Variants in NYAP2 observed in about 807,000 individuals in gnomAD.
NYAP2 encodes neuronal tyrosine-phosphorylated phosphoinositide-3-kinase adaptor 2.
In NYAP2, 23 loss-of-function variants were observed where a neutral mutation model predicts 50.4. The observed-to-expected ratio is 0.46, with a 90% CI of 0.33 to 0.65. The LOEUF (loss-of-function observed/expected upper bound fraction) is 0.65. NYAP2 is among the 30% of genes least tolerant of loss of function. NYAP2 has a pLI of 0.02. For synonymous variants in NYAP2, 394 were observed against 365.2 expected (o/e 1.08, Z -0.90); for missense variants, 885 against 861.0 (o/e 1.03, Z -0.35).
intron 3 of NYAP2, among the ~76,000 whole-genome samples, chr2:225,412,805 A>G (rs1695069605): frequency 6.6e-6 from 1 of 152,126 alleles, no homozygotes; most frequent in South Asian, 2.1e-4. Flanking sequence ...GTAAACCAAG[A>G]TGGAAGCCTG....
chr2:225,587,986 G>A (rs1469203756), intron 5 of NYAP2, among the ~76,000 whole-genome samples: 1 of 151,924 alleles, frequency 6.6e-6, no homozygotes, highest in African/African-American at 2.4e-5. Context: ...GTGCAGTGGT[G>A]CAATCTCAGC....
intron 4 of NYAP2, among the ~76,000 whole-genome samples, chr2:225,551,342 A>G (rs1691671420): frequency 6.6e-6 from 1 of 152,240 alleles, no homozygotes; most frequent in African/African-American, 2.4e-5. Flanking sequence ...TGCTCTTGGA[A>G]GCCATTGCCA....
chr2:225,567,946 G>A (rs1459292839), intron 4 of NYAP2, among the ~76,000 whole-genome samples: 1 of 152,138 alleles, frequency 6.6e-6, no homozygotes, highest in Non-Finnish European at 1.5e-5. Flanking sequence ...CTACTTCAGA[G>A]CAATCCCACA....
chr2:225,556,405 C>A (rs929251403), intron 4 of NYAP2, among the ~76,000 whole-genome samples: 1 of 152,138 alleles, frequency 6.6e-6, no homozygotes, highest in African/African-American at 2.4e-5. Flanking sequence ...TAACAAAATA[C>A]AAATTTCATT....
chr2:225,567,379 G>T lies in NYAP2; in HGVS notation c.524-14562G>T, dbSNP rs139090711. 4.6e-3 allele frequency among the ~76,000 whole-genome samples: 693 copies of T among 152,094 alleles called. 4 individuals carry two copies. The highest frequency in any genetic ancestry group is 0.01 in the Middle Eastern group (3 of 294). ...TATAAGAAAGAGATTTGAAAACTTT[G>T]AATCATTATACACTTATAGTTTATT... On this transcript the variant is annotated intron_variant, in intron 4 of 6. Transcript: ENST00000636099.
chr2:225,676,975 G>C, the NYAP2 span, among the ~76,000 whole-genome samples: 92,351 of 151,968 alleles, frequency 0.61, 29,642 homozygotes, highest in South Asian at 0.82. Flanking sequence ...GGATAGTATT[G>C]AATGTGTAAG....
chr2:225,602,645 A>G lies in NYAP2; in HGVS notation c.1618+19610A>G, dbSNP rs557719767. ...ACATTTTGGGTTAATTTTTATAGGT[A>G]GTGTAAGGTAAGAGTTCTACTCTAT... is the stretch of plus-strand genomic sequence containing the variant. On this transcript the variant is annotated intron_variant, in intron 5 of 6. Transcript: ENST00000636099. Among the ~76,000 whole-genome samples, 3 of 152,270 alleles carry G rather than the reference A, an allele frequency of 2.0e-5. No individual in the cohort carries two copies. The South Asian group carries it at 6.2e-4, about 32-fold the overall frequency.
At chr2:225,496,820 C>T (rs1690515253) in intron 3 of NYAP2, among the ~76,000 whole-genome samples, 1 of 152,002 alleles carries the variant, frequency 6.6e-6, no homozygotes, top group South Asian at 2.1e-4. Flanking sequence ...CTTTATTGTA[C>T]AGTACTGGCT....
At chr2:225,598,697 G>A (rs1692647876) in intron 5 of NYAP2, among the ~76,000 whole-genome samples, 1 of 152,240 alleles carries the variant, frequency 6.6e-6, no homozygotes, top group Admixed American at 6.5e-5. Context: ...TGCATGATAA[G>A]TGACTATCCA....
chr2:225,553,717 T>A (rs1412313652), intron 4 of NYAP2, among the ~76,000 whole-genome samples: 1 of 152,174 alleles, frequency 6.6e-6, no homozygotes, highest in Non-Finnish European at 1.5e-5. Flanking sequence ...TAGGATGACC[T>A]GGAGAAGTAT....
chr2:225,587,903 C>T (rs769871553), intron 5 of NYAP2, among the ~76,000 whole-genome samples: 6 of 151,372 alleles, frequency 4.0e-5, no homozygotes, highest in Non-Finnish European at 5.9e-5. Flanking sequence ...TATTAAACCT[C>T]ATCTTTTAGC....
the NYAP2 span, among the ~76,000 whole-genome samples, chr2:225,679,371 C>A: frequency 6.6e-6 from 1 of 151,908 alleles, no homozygotes; most frequent in Non-Finnish European, 1.5e-5. Flanking sequence ...TTCATTAATG[C>A]ACATGATAGT....
the NYAP2 span, among the ~76,000 whole-genome samples, chr2:225,666,190 C>T: frequency 6.6e-6 from 1 of 152,058 alleles, no homozygotes; most frequent in Non-Finnish European, 1.5e-5. Flanking sequence ...AATTGTTCAC[C>T]CCATATGTCC....
At chr2:225,589,973 C>T (rs556171920) in intron 5 of NYAP2, among the ~76,000 whole-genome samples, 17 of 152,140 alleles carry the variant, frequency 1.1e-4, no homozygotes, top group South Asian at 1.0e-3. Flanking sequence ...GCAACCTGAC[C>T]GGAGTTAGGG....
intron 3 of NYAP2, among the ~76,000 whole-genome samples, chr2:225,424,977 T>TATG (rs1695265180): frequency 6.6e-6 from 1 of 152,230 alleles, no homozygotes; most frequent in African/African-American, 2.4e-5. Flanking sequence ...TTGAAAGTGG[T>TATG]ATGTCTAAAC....
chr2:225,675,267 GC>G, the NYAP2 span, among the ~76,000 whole-genome samples: 1 of 151,980 alleles, frequency 6.6e-6, no homozygotes, highest in Admixed American at 6.6e-5. Context: ...TACCCAATGG[GC>G]ATTTCTTCAG....
chr2:225,411,899 A>C (rs375312880), intron 3 of NYAP2, among the ~76,000 whole-genome samples: 1 of 151,710 alleles, frequency 6.6e-6, no homozygotes, highest in Non-Finnish European at 1.5e-5. Flanking sequence ...TTCACAACAG[A>C]ATGAAAATAA....
chr2:225,582,085 C>T lies in NYAP2; in HGVS notation c.668C>T (p.Pro223Leu), dbSNP rs758831206. The T allele has an allele frequency of 3.1e-6, 5 of 1,613,902 alleles. No individual in the cohort carries two copies. Among genetic ancestry groups the T allele is most frequent in the Non-Finnish European group, 4.2e-6 (5 of 1,179,898 alleles). The change falls in exon 5 of 7, where the codon CCG (proline) becomes CTG (leucine). Residue 223 changes from proline (P) to leucine (L), a missense_variant. By Grantham distance (98) the Pro-to-Leu change is moderately conservative (BLOSUM62 -3). Coordinates refer to ENST00000636099, the Ensembl canonical transcript of NYAP2. The surrounding 1 kb of genome is among the most constrained non-coding windows in gnomAD (Gnocchi z 7.0). ...CATGGGCCCCGGAGGACGTCGCTGC[C>T]GCGGGACTCCTCCTTGTCCCAGATG... is the stretch of plus-strand genomic sequence containing the variant.
intron 4 of NYAP2, among the ~76,000 whole-genome samples, chr2:225,519,835 A>G (rs1208550669): frequency 6.6e-6 from 1 of 152,210 alleles, no homozygotes; most frequent in African/African-American, 2.4e-5. Flanking sequence ...TAGATCCCTG[A>G]GGAATCGCCA....
Sources: allele counts gnomAD v4.1 joint callset (sites outside exome capture counted in the v4.1 genomes callset), GRCh38; gene constraint gnomAD v4.1.1; non-coding constraint Gnocchi (gnomAD v3.1); transcripts MANE v1.5; gene names NCBI Gene and HGNC (gene_info 2026-07-23, HGNC 2026-07-21).